The following ACP6 variants were observed in gnomAD, a reference collection of about 807,000 sequenced individuals.
ACP6 encodes the protein lysophosphatidic acid phosphatase type 6.
ACP6 carries 48 observed loss-of-function variants against 48.1 expected under a neutral mutation model. That is an observed-to-expected ratio of 1.00 (90% confidence interval 0.79 to 1.27). The LOEUF is 1.27. ACP6 is among the 50% of genes most tolerant of loss of function. The probability of loss-of-function intolerance (pLI) is 0.00; values close to 1 mark genes in which losing one functional copy is unlikely to be tolerated. For synonymous variants in ACP6, 172 were observed against 204.2 expected (o/e 0.84, Z 1.34); for missense variants, 485 against 529.1 (o/e 0.92, Z 0.82).
downstream of ACP6, among the ~76,000 whole-genome samples, chr1:147,637,776 TTTG>T (rs1160459722): frequency 1.3e-5 from 2 of 152,206 alleles, no homozygotes; most frequent in Non-Finnish European, 2.9e-5. Flanking sequence ...TCTTAAAATA[TTTG>T]GCCTAGGATC....
intron 1 of ACP6, among the ~76,000 whole-genome samples, chr1:147,669,479 G>C (rs1474401498): frequency 6.6e-6 from 1 of 152,176 alleles, no homozygotes; most frequent in African/African-American, 2.4e-5. Context: ...TTGTATTCAA[G>C]TTCACCTAGA....
intron 5 of ACP6, 65 bp downstream of exon 5, chr1:147,655,096 G>A (rs962169156): frequency 1.4e-4 from 196 of 1,358,638 alleles, no homozygotes; most frequent in Non-Finnish European, 1.9e-4. Context: ...TATAGACAGA[G>A]TTCTGCCAGC....
downstream of ACP6, among the ~76,000 whole-genome samples, chr1:147,640,894 T>C (rs1333951836): frequency 1.3e-5 from 2 of 152,142 alleles, no homozygotes; most frequent in Non-Finnish European, 2.9e-5. Flanking sequence ...CAGGGTGGAC[T>C]GGGAAGGGCC....
chr1:147,634,766 G>A (rs1389319103), intron 5 of ACP6, among the ~76,000 whole-genome samples: 4 of 152,282 alleles, frequency 2.6e-5, no homozygotes, highest in Middle Eastern at 3.4e-3. Context: ...GCAGTGAACT[G>A]GTCAGGAGTG....
intron 5 of ACP6, among the ~76,000 whole-genome samples, chr1:147,633,507 C>T (rs199664711): frequency 1.2e-4 from 18 of 147,068 alleles, no homozygotes; most frequent in East Asian, 5.9e-4. Context: ...GCAAAAGTTT[C>T]TTTTTTTTTT....
intron 1 of ACP6, among the ~76,000 whole-genome samples, chr1:147,660,686 A>G (rs1660502821): frequency 6.6e-6 from 1 of 152,240 alleles, no homozygotes; most frequent in Non-Finnish European, 1.5e-5. Flanking sequence ...CACCTGCACA[A>G]TCCATCTATC....
Position 147,644,688 on chromosome 1 carries a change from G to A in ACP6, c.*2735C>T, listed in dbSNP as rs998348180. 5.3e-5 allele frequency: 8 copies of A among 152,226 alleles called. No individual in the cohort carries two copies. The highest frequency in any genetic ancestry group is 2.0e-4 in the Admixed American group (3 of 15,282). 9.4% of individuals were successfully genotyped at this position (152,226 alleles called of 1,614,324 possible). On this transcript the variant is annotated 3_prime_UTR_variant, in exon 10 of 10. Coordinates refer to ENST00000583509, the MANE Select transcript of ACP6 (RefSeq NM_016361.5). ...TACTGATGTAGTAGAGGTAGGATATGAGAAAAAGAGGGGAGTCAAGGGCAG... is the reference window on the plus strand; with the variant it reads ...TACTGATGTAGTAGAGGTAGGATATAAGAAAAAGAGGGGAGTCAAGGGCAG...
downstream of ACP6, among the ~76,000 whole-genome samples, chr1:147,641,523 G>GCTCT (rs1659452814): frequency 6.6e-6 from 1 of 152,176 alleles, no homozygotes; most frequent in African/African-American, 2.4e-5. Context: ...GGCAAGCCTG[G>GCTCT]CTCTCCTCCG....
chr1:147,653,132 T>A (rs587681874), intron 6 of ACP6, among the ~76,000 whole-genome samples: 123 of 151,496 alleles, frequency 8.1e-4, no homozygotes, highest in African/African-American at 2.8e-3. Flanking sequence ...CGGCCTGTTT[T>A]ACTGGTTTTT....
rs1245604056 is a variant in ACP6, at chr1:147,642,561, G to C, written c.*4862C>G. On this transcript the variant is annotated 3_prime_UTR_variant, in exon 10 of 10. Coordinates refer to ENST00000583509, the MANE Select transcript of ACP6 (RefSeq NM_016361.5). ...AGGTATGCAGGGGCCAGGTCTCAGG[G>C]GGTGATGGAAAGCAAGTGAGGGTAT... The C allele has an allele frequency of 2.0e-5, 3 of 152,254 alleles. No individual in the cohort carries two copies. Among genetic ancestry groups the C allele is most frequent in the African/African-American group, 7.2e-5 (3 of 41,408 alleles). The allele number at this position is 152,254 out of a possible 1,614,324, so 9.4% of individuals were successfully genotyped here.
At chr1:147,655,084 A>G (rs1369800712) in intron 5 of ACP6, 77 bp downstream of exon 5, 6 of 1,208,400 alleles carry the variant, frequency 5.0e-6, no homozygotes, top group Non-Finnish European at 7.2e-6. Flanking sequence ...ACAGGCCCTC[A>G]GTATAGACAG....
At position 147,646,450 on chromosome 1, in the gene ACP6, A is replaced by T. The variant is rs1408746222; in HGVS notation, c.*973T>A. Reference sequence around the variant, plus strand: ...CCTGATCTGGAAGTTGTCAATATTAAGATAGTAGGAAGTGGAGAGGCTTTT... The same window carrying T: ...CCTGATCTGGAAGTTGTCAATATTATGATAGTAGGAAGTGGAGAGGCTTTT... On this transcript the variant is annotated 3_prime_UTR_variant, in exon 10 of 10. Transcript: ENST00000583509. 8.5e-5 allele frequency: 13 copies of T among 152,208 alleles called. No homozygotes were observed. In the East Asian group the frequency reaches 1.7e-3, roughly 20 times the overall value. 9.4% of individuals were successfully genotyped at this position (152,208 alleles called of 1,614,324 possible). A position where few individuals can be genotyped will look rare whatever the true frequency, so the allele number is the denominator to read the frequency against.
intron 2 of ACP6, 25 bp downstream of exon 2, chr1:147,659,622 C>A (rs1553212356): frequency 6.2e-7 from 1 of 1,613,930 alleles, no homozygotes; most frequent in Admixed American, 1.7e-5. Context: ...AGTGGGGCTC[C>A]CCAGAGCAAG....
At chr1:147,632,812 AC>A (rs1489536901) in intron 5 of ACP6, among the ~76,000 whole-genome samples, 3 of 152,132 alleles carry the variant, frequency 2.0e-5, no homozygotes, top group African/African-American at 7.2e-5. Flanking sequence ...GACTGGAAGC[AC>A]GCACCTATTC....
Position 147,659,722 on chromosome 1 carries a change from G to C in ACP6, c.273C>G (p.Tyr91Ter). The C allele has an allele frequency of 6.2e-7, 1 of 1,614,198 alleles. No individual in the cohort carries two copies. The highest frequency in any genetic ancestry group is 1.1e-5 in the South Asian group (1 of 91,086). Residue 91 changes from tyrosine to a stop codon, truncating the protein, a stop_gained, in exon 2 of 10, where the codon TAC becomes TAG. Transcript: ENST00000583509. LOFTEE classifies it high-confidence loss of function. ...GACCACCAGCTAGATTGGTGACTGTGTAATCAAACTGAGTTTGGGGTGGGA... is the reference window on the plus strand; with the variant it reads ...GACCACCAGCTAGATTGGTGACTGTCTAATCAAACTGAGTTTGGGGTGGGA... The part of the protein sequence containing the change: ...LEVPPQTQFD[Y>*]TVTNLAGGPK...
Position 147,669,950 on chromosome 1 carries a change from C to T in ACP6, c.99G>A (p.Glu33=), listed in dbSNP as rs1553214387. 5.2e-6 allele frequency: 8 copies of T among 1,549,994 alleles called. No individual in the cohort carries two copies. Among genetic ancestry groups the T allele is most frequent in the Non-Finnish European group, 7.0e-6 (8 of 1,147,494 alleles). The change falls in exon 1 of 10, where the codon GAG becomes GAA. Residue 33 remains glutamate (E), a synonymous_variant. Transcript: ENST00000583509. ...CLHQRRVALA[E]LQEADGQCPV... is the part of the protein sequence containing the mutation. ...GACACTGGCCATCGGCCTCCTGCAG[C>T]TCGGCCAGGGCCACCCGCCGCTGGT...
At chr1:147,637,469 T>C (rs960340854), downstream of ACP6, among the ~76,000 whole-genome samples, 6 of 152,354 alleles carry the variant, frequency 3.9e-5, no homozygotes, top group South Asian at 6.2e-4. Flanking sequence ...CTCTGTCTCT[T>C]TGATCCCTTC....
intron 1 of ACP6, among the ~76,000 whole-genome samples, chr1:147,662,708 TACA>T (rs1256450054): frequency 1.3e-5 from 2 of 152,236 alleles, no homozygotes; most frequent in Non-Finnish European, 2.9e-5. Flanking sequence ...CTGTTGAAAT[TACA>T]ACAATGGATT....
chr1:147,648,043 C>T (rs1659714273), intron 9 of ACP6: 3 of 612,802 alleles, frequency 4.9e-6, no homozygotes, highest in Non-Finnish European at 8.5e-6. Context: ...TGGGATAAGG[C>T]TCAAGCCCCA....
Sources: gnomAD v4.1 joint callset for allele counts (sites outside exome capture counted in the v4.1 genomes callset) on GRCh38, gnomAD v4.1.1 for gene constraint, MANE v1.5 for transcripts, NCBI Gene and HGNC (gene_info 2026-07-23, HGNC 2026-07-21) for gene names.